Variants in PIEZO2 observed in about 807,000 individuals in gnomAD.
PIEZO2 encodes piezo type mechanosensitive ion channel component 2, also known as piezo-type mechanosensitive ion channel component 2.
In PIEZO2, 172 loss-of-function variants were observed where a neutral mutation model predicts 337.3. The ratio of observed to expected loss-of-function variants is 0.51; its 90% confidence interval spans 0.45 to 0.58. The LOEUF (loss-of-function observed/expected upper bound fraction) is 0.58. Ranked by LOEUF, PIEZO2 falls within the 20% of genes least tolerant of loss-of-function variation. The pLI is 0.00. For synonymous variants in PIEZO2, 1,251 were observed against 1,228.5 expected, an observed-to-expected ratio of 1.02 and a Z score of -0.38; for missense variants, 3,028 against 3,391.3, an observed-to-expected ratio of 0.89 and a Z score of 2.66.
intron 1 of PIEZO2, among the ~76,000 whole-genome samples, chr18:11,117,684 G>T (rs944034030): frequency 6.6e-6 from 1 of 152,150 alleles, no homozygotes; most frequent in Non-Finnish European, 1.5e-5. Flanking sequence ...TTTGTATATG[G>T]GATCAAAACG....
At position 10,943,818 on chromosome 18, in the gene PIEZO2, C is replaced by G. The variant is rs945847443; in HGVS notation, c.287-32590G>C. Among the ~76,000 whole-genome samples the G allele has an allele frequency of 2.0e-5, 3 of 152,036 alleles. No homozygotes were observed. The highest frequency in any genetic ancestry group is 6.5e-5 in the Admixed American group (1 of 15,274). The stretch of plus-strand genomic sequence containing the variant: ...GATATGTGAGAGTTGCAGAAGGGAC[C>G]CGGTGGGAGATGACTGAATCATGGG... On this transcript the variant is annotated intron_variant, in intron 3 of 55. Coordinates refer to ENST00000674853, the MANE Select transcript of PIEZO2 (RefSeq NM_001378183.1). This position sits in a 1 kb window ranked among gnomAD's most constrained non-coding sequence, Gnocchi z 4.5.
At chr18:10,782,370 A>T (rs1189650155) in intron 17 of PIEZO2, among the ~76,000 whole-genome samples, 2 of 77,030 alleles carry the variant, frequency 2.6e-5, no homozygotes, top group Non-Finnish European at 4.4e-5. Context: ...TATATAAATA[A>T]TTATAATATA....
At chr18:10,831,851 T>C (rs1420295315) in intron 7 of PIEZO2, among the ~76,000 whole-genome samples, 1 of 152,194 alleles carries the variant, frequency 6.6e-6, no homozygotes, top group Non-Finnish European at 1.5e-5. Flanking sequence ...TCTCTAGGTA[T>C]TCTGTGTTCC....
chr18:10,707,848 T>C lies in PIEZO2; in HGVS notation c.5588+427A>G, dbSNP rs1176341933. Among the ~76,000 whole-genome samples the C allele has an allele frequency of 6.6e-6, 1 of 152,232 alleles. No homozygotes were observed. The highest frequency in any genetic ancestry group is 1.9e-4 in the East Asian group (1 of 5,200). On this transcript the variant is annotated intron_variant, in intron 40 of 55. Coordinates refer to ENST00000674853, the MANE Select transcript of PIEZO2 (RefSeq NM_001378183.1). The surrounding 1 kb of genome is among the most constrained non-coding windows in gnomAD (Gnocchi z 4.2). Reference sequence around the variant, plus strand: ...AAAAATGACTACCTATGATAGATTTTTAGATTTTTTTCCTACTGCATGCAT... The same window carrying C: ...AAAAATGACTACCTATGATAGATTTCTAGATTTTTTTCCTACTGCATGCAT...
intron 2 of PIEZO2, among the ~76,000 whole-genome samples, chr18:11,043,334 A>G (rs2584754): frequency 0.47 from 70,796 of 151,972 alleles, 17,639 homozygotes; most frequent in African/African-American, 0.65. Context: ...TACAGCACAT[A>G]CATTTAAATT....
At chr18:11,060,619 C>A (rs184374097) in intron 2 of PIEZO2, among the ~76,000 whole-genome samples, 1 of 152,178 alleles carries the variant, frequency 6.6e-6, no homozygotes, top group Non-Finnish European at 1.5e-5. Context: ...TCAGAGAATA[C>A]TATAAACACC....
At chr18:10,975,758 G>T (rs2034418392) in intron 3 of PIEZO2, among the ~76,000 whole-genome samples, 1 of 152,174 alleles carries the variant, frequency 6.6e-6, no homozygotes, top group Non-Finnish European at 1.5e-5. Flanking sequence ...ATGGGGGAAA[G>T]AAGTTGTTAG....
rs1192870457 is a variant in PIEZO2 at position 11,069,700 on chromosome 18, C to G, written c.65-3478G>C. 6.6e-6 allele frequency among the ~76,000 whole-genome samples: 1 copy of G among 152,064 alleles called. No individual in the cohort carries two copies. Among genetic ancestry groups the G allele is most frequent in the African/African-American group, 2.4e-5 (1 of 41,410 alleles). The stretch of plus-strand genomic sequence containing the variant: ...GAGGAATTAGGCAAGAAAAAGAAAT[C>G]AATACATCAAAATTGGAAAGGAAGA... On this transcript the variant is annotated intron_variant, in intron 1 of 55. Transcript: ENST00000674853. The surrounding 1 kb of genome is among the most constrained non-coding windows in gnomAD (Gnocchi z 4.9).
chr18:10,958,883 T>C (rs1453873331), intron 3 of PIEZO2, among the ~76,000 whole-genome samples: 1 of 152,170 alleles, frequency 6.6e-6, no homozygotes, highest in South Asian at 2.1e-4. Flanking sequence ...TTGTATATTA[T>C]TGAGTATAAA....
chr18:10,936,856 G>T, intron 3 of PIEZO2, among the ~76,000 whole-genome samples: 1 of 152,182 alleles, frequency 6.6e-6, no homozygotes, highest in East Asian at 1.9e-4. Context: ...TGTGCAGCTC[G>T]TCTGGCAGGA....
intron 7 of PIEZO2, among the ~76,000 whole-genome samples, chr18:10,826,635 C>T (rs2040685654): frequency 6.6e-6 from 1 of 152,180 alleles, no homozygotes. Flanking sequence ...TGAAATAACA[C>T]ATTGTTTATA....
At chr18:10,722,518 C>T (rs766276391) in intron 36 of PIEZO2, among the ~76,000 whole-genome samples, 6 of 151,994 alleles carry the variant, frequency 3.9e-5, no homozygotes, top group Admixed American at 2.0e-4. Flanking sequence ...GGTGAGCCAC[C>T]GTGCCCAGCC....
chr18:10,809,260 CTTTTTTTTT>C (rs869210659), intron 7 of PIEZO2, among the ~76,000 whole-genome samples: 41 of 65,830 alleles, frequency 6.2e-4, no homozygotes, highest in African/African-American at 1.0e-3. Flanking sequence ...CTCTCTCTCT[CTTTTTTTTT>C]TTTTTTTTTT....
At position 10,872,534 on chromosome 18, in the gene PIEZO2, G is replaced by C. The variant is rs546729470; in HGVS notation, c.330-1119C>G. ...AAGCTCACTCTGCTGCAAGACACCA[G>C]AGCTTAATAGGCACTGGCAGACTTC... On this transcript the variant is annotated intron_variant, in intron 4 of 55. Transcript: ENST00000674853. This position sits in a 1 kb window ranked among gnomAD's most constrained non-coding sequence, Gnocchi z 4.3. 3.0e-4 allele frequency among the ~76,000 whole-genome samples: 46 copies of C among 152,266 alleles called. No individual in the cohort carries two copies. The highest frequency in any genetic ancestry group is 1.1e-3 in the African/African-American group (45 of 41,556).
intron 4 of PIEZO2, among the ~76,000 whole-genome samples, chr18:10,873,476 C>T (rs180776244): frequency 1.3e-5 from 2 of 152,138 alleles, no homozygotes; most frequent in Admixed American, 6.6e-5. Context: ...TCCTTCTATA[C>T]ATGGATGTGC....
At chr18:11,084,176 CAAAA>C (rs1161713844) in intron 1 of PIEZO2, among the ~76,000 whole-genome samples, 7 of 64,796 alleles carry the variant, frequency 1.1e-4, no homozygotes, top group African/African-American at 1.9e-4. Flanking sequence ...AACTCTGTCT[CAAAA>C]AAAAAAAAAA....
rs1159436048 is a variant in PIEZO2 at position 10,819,034 on chromosome 18, G to C, written c.918-11760C>G. ...ATAATTTTTTGTTACACTTTAAACAGTAAATATACACATCGTCCCCCACCA... is the reference window on the plus strand; with the variant it reads ...ATAATTTTTTGTTACACTTTAAACACTAAATATACACATCGTCCCCCACCA... On this transcript the variant is annotated intron_variant, in intron 7 of 55. Coordinates refer to ENST00000674853, the MANE Select transcript of PIEZO2 (RefSeq NM_001378183.1). This position sits in a 1 kb window ranked among gnomAD's most constrained non-coding sequence, Gnocchi z 4.3. Among the ~76,000 whole-genome samples, 1 of 152,112 alleles carries C rather than the reference G, an allele frequency of 6.6e-6. No individual in the cohort carries two copies. Among genetic ancestry groups the C allele is most frequent in the Non-Finnish European group, 1.5e-5 (1 of 68,020 alleles).
At chr18:10,922,758 C>T (rs2031505348) in intron 3 of PIEZO2, among the ~76,000 whole-genome samples, 1 of 152,110 alleles carries the variant, frequency 6.6e-6, no homozygotes, top group African/African-American at 2.4e-5. Flanking sequence ...GAGAGGCAAG[C>T]TGGCTGACCG....
Position 10,682,368 on chromosome 18 carries a change from CG to C in PIEZO2, c.7498-77del. On this transcript the variant is annotated intron_variant, in intron 49 of 55. Transcript: ENST00000674853. This position sits in a 1 kb window ranked among gnomAD's most constrained non-coding sequence, Gnocchi z 5.6. ...CGCAGGCAGCGGGATTGGGGGAGAG[CG>C]AGTGCTCTTCCTGTGGTGCTGGGAA... The C allele has an allele frequency of 5.4e-6, 7 of 1,298,386 alleles. No homozygotes were observed. The highest frequency in any genetic ancestry group is 7.3e-6 in the Non-Finnish European group (7 of 956,544). 80.4% of individuals were successfully genotyped at this position (1,298,386 alleles called of 1,614,324 possible). A position where few individuals can be genotyped will look rare whatever the true frequency, so the allele number is the denominator to read the frequency against.
Sources: gnomAD v4.1 joint callset for allele counts (sites outside exome capture counted in the v4.1 genomes callset) on GRCh38, gnomAD v4.1.1 for gene constraint, Gnocchi (gnomAD v3.1) non-coding constraint, MANE v1.5 for transcripts, NCBI Gene and HGNC (gene_info 2026-07-23, HGNC 2026-07-21) for gene names.